Variants in VTA1 observed in about 807,000 individuals in gnomAD.
VTA1 encodes vacuolar protein sorting-associated protein VTA1 homolog.
VTA1 carries 24 observed loss-of-function variants against 36.9 expected under a neutral mutation model. That is an observed-to-expected ratio of 0.65 (90% CI 0.47 to 0.91). The LOEUF is 0.91. Ranked by LOEUF, VTA1 falls within the 40% of genes least tolerant of loss-of-function variation. VTA1 has a pLI of 0.00. For missense variants in VTA1, 393 were observed against 377.2 expected (o/e 1.04, Z -0.35); for synonymous variants, 142 against 130.2 (o/e 1.09, Z -0.62).
chr6:142,163,931 T>C (rs146279005), intron 1 of VTA1, among the ~76,000 whole-genome samples: 67 of 152,266 alleles, frequency 4.4e-4, no homozygotes, highest in African/African-American at 1.6e-3. Context: ...TTTAAAGAAT[T>C]AGATAAAATA....
intron 4 of VTA1, among the ~76,000 whole-genome samples, chr6:142,174,450 A>G (rs112988746): frequency 2.0e-5 from 3 of 152,284 alleles, no homozygotes; most frequent in African/African-American, 7.2e-5. Flanking sequence ...TTTCTTAGAA[A>G]TAAATAACTT....
At chr6:142,189,065 C>G (rs984201584) in intron 4 of VTA1, among the ~76,000 whole-genome samples, 2 of 152,044 alleles carry the variant, frequency 1.3e-5, no homozygotes, top group South Asian at 4.1e-4. Flanking sequence ...ATAATTCAAT[C>G]TATTGTTATT....
At chr6:142,152,586 A>G (rs1778588507) in intron 1 of VTA1, among the ~76,000 whole-genome samples, 1 of 152,122 alleles carries the variant, frequency 6.6e-6, no homozygotes, top group Non-Finnish European at 1.5e-5. Flanking sequence ...ACAATGTAAA[A>G]TTTCTGTTAA....
intron 1 of VTA1, among the ~76,000 whole-genome samples, chr6:142,165,140 T>C (rs1269723339): frequency 6.6e-6 from 1 of 152,188 alleles, no homozygotes; most frequent in Admixed American, 6.5e-5. Context: ...TATCTAACAG[T>C]TTTTTAGTGG....
At chr6:142,190,007 T>G (rs1005570192) in intron 5 of VTA1, among the ~76,000 whole-genome samples, 5 of 152,218 alleles carry the variant, frequency 3.3e-5, no homozygotes, top group African/African-American at 1.2e-4. Flanking sequence ...TCCGCCCACC[T>G]TGGCCTCCCA....
At position 142,203,955 on chromosome 6, in the gene VTA1, T is replaced by C. The variant is rs1033630045; in HGVS notation, c.698-30T>C. 9.5e-6 allele frequency: 15 copies of C among 1,586,730 alleles called. No homozygotes were observed. The Admixed American group carries it at 1.7e-4, about 18-fold the overall frequency. Reference sequence around the variant, plus strand: ...GTATAATTAAAAGGTGTAATACTTCTATGCCCATTTTTGCTTTTCTGATTT... The same window carrying C: ...GTATAATTAAAAGGTGTAATACTTCCATGCCCATTTTTGCTTTTCTGATTT... On this transcript the variant is annotated intron_variant, in intron 6 of 7. Coordinates refer to ENST00000367630, the MANE Select transcript of VTA1 (RefSeq NM_016485.5).
At chr6:142,211,697 C>T (rs954005901) in intron 7 of VTA1, among the ~76,000 whole-genome samples, 1 of 134,238 alleles carries the variant, frequency 7.4e-6, no homozygotes. Flanking sequence ...GGCGAAAGAG[C>T]GAGACTCCAT....
At chr6:142,200,148 G>A (rs145224601) in intron 6 of VTA1, among the ~76,000 whole-genome samples, 146 of 152,064 alleles carry the variant, frequency 9.6e-4, no homozygotes, top group Non-Finnish European at 1.5e-3. Flanking sequence ...TTAACTTCTC[G>A]TGACCTTAAT....
chr6:142,155,285 A>G (rs1473937789), intron 1 of VTA1, among the ~76,000 whole-genome samples: 5 of 152,184 alleles, frequency 3.3e-5, no homozygotes, highest in Admixed American at 2.0e-4. Flanking sequence ...TAGAGTATCT[A>G]ATTCAGTAAT....
At chr6:142,205,726 G>A (rs1775778611) in intron 7 of VTA1, among the ~76,000 whole-genome samples, 2 of 151,962 alleles carry the variant, frequency 1.3e-5, no homozygotes, top group African/African-American at 4.8e-5. Flanking sequence ...AAATAACATG[G>A]ATTTCATTTA....
chr6:142,170,885 C>G (rs1165725383), intron 4 of VTA1, among the ~76,000 whole-genome samples: 1 of 152,156 alleles, frequency 6.6e-6, no homozygotes, highest in Admixed American at 6.5e-5. Context: ...CTCAGCCTCC[C>G]AAAGTGCTGG....
chr6:142,211,206 A>G (rs1014575869), intron 7 of VTA1, among the ~76,000 whole-genome samples: 4 of 152,216 alleles, frequency 2.6e-5, no homozygotes, highest in African/African-American at 9.7e-5. Flanking sequence ...TGGAAAAAAA[A>G]GAATATACGT....
chr6:142,152,915 C>G (rs1431581767), intron 1 of VTA1, among the ~76,000 whole-genome samples: 2 of 152,100 alleles, frequency 1.3e-5, no homozygotes, highest in Non-Finnish European at 2.9e-5. Flanking sequence ...GTGCTACCCT[C>G]TGCCAGGAAT....
intron 1 of VTA1, among the ~76,000 whole-genome samples, chr6:142,161,400 G>C (rs892196319): frequency 1.2e-4 from 18 of 152,096 alleles, no homozygotes; most frequent in African/African-American, 4.3e-4. Context: ...GTATTTCATA[G>C]TTTTATGTTC....
rs767065477 is a variant in VTA1 at position 142,147,295 on chromosome 6, C to G, written c.8C>G (p.Ala3Gly). 1.9e-6 allele frequency: 3 copies of G among 1,614,058 alleles called. No homozygotes were observed. The highest frequency in any genetic ancestry group is 2.5e-6 in the Non-Finnish European group (3 of 1,180,028). Residue 3 changes from alanine to glycine, a missense_variant, in exon 1 of 8, where the codon GCG becomes GGG. Transcript: ENST00000367630. MA[A>G]LAPLPPLPAQ... ...GGTGAGTTCGGAGTAGAGATGGCCGCGCTTGCACCGCTGCCCCCGCTCCCC... is the reference window on the plus strand; with the variant it reads ...GGTGAGTTCGGAGTAGAGATGGCCGGGCTTGCACCGCTGCCCCCGCTCCCC...
At chr6:142,155,377 A>G (rs1163386814) in intron 1 of VTA1, among the ~76,000 whole-genome samples, 2 of 152,198 alleles carry the variant, frequency 1.3e-5, no homozygotes, top group African/African-American at 4.8e-5. Flanking sequence ...GATTATTTAT[A>G]CATTTATGAT....
chr6:142,181,156 C>G (rs1202227331), intron 4 of VTA1, among the ~76,000 whole-genome samples: 1 of 114,024 alleles, frequency 8.8e-6, no homozygotes, highest in Non-Finnish European at 1.7e-5. Context: ...TTTTTTGATA[C>G]GGAGTCTCGC....
intron 1 of VTA1, among the ~76,000 whole-genome samples, chr6:142,165,217 A>C (rs1473595494): frequency 6.6e-6 from 1 of 152,152 alleles, no homozygotes; most frequent in African/African-American, 2.4e-5. Flanking sequence ...AAGTTTAATA[A>C]GTTTTTTGTG....
At chr6:142,170,673 C>T (rs576357171) in intron 4 of VTA1, among the ~76,000 whole-genome samples, 1 of 152,186 alleles carries the variant, frequency 6.6e-6, no homozygotes, top group South Asian at 2.1e-4. Flanking sequence ...TGCTCTGTTG[C>T]CCAGGCTGGA....
Sources: gnomAD v4.1 joint callset for allele counts (sites outside exome capture counted in the v4.1 genomes callset) on GRCh38, gnomAD v4.1.1 for gene constraint, MANE v1.5 for transcripts, NCBI Gene and HGNC (gene_info 2026-07-23, HGNC 2026-07-21) for gene names.